Variants in PDS5B observed in about 807,000 individuals in gnomAD.
PDS5B encodes the protein PDS5 cohesin associated factor B, also known as sister chromatid cohesion protein PDS5 homolog B.
PDS5B carries 51 observed loss-of-function variants against 184.1 expected under a neutral mutation model. That is an observed-to-expected ratio of 0.28 (90% CI 0.22 to 0.35). The LOEUF (loss-of-function observed/expected upper bound fraction) is 0.35, where lower values mean the gene tolerates loss of function less well. Among genes scored for constraint, PDS5B ranks in the 10% least tolerant of loss-of-function variants. The probability of loss-of-function intolerance (pLI) is 1.00; values close to 1 mark genes in which losing one functional copy is unlikely to be tolerated. For synonymous variants in PDS5B, 566 were observed against 569.2 expected, an observed-to-expected ratio of 0.99 and a Z score of 0.08; for missense variants, 1,180 against 1,723.3, an observed-to-expected ratio of 0.68 and a Z score of 5.58.
chr13:32,616,796 C>T (rs142078196), intron 1 of PDS5B, among the ~76,000 whole-genome samples: 9 of 152,250 alleles, frequency 5.9e-5, no homozygotes, highest in South Asian at 4.1e-4. Context: ...TAACATATTG[C>T]GAACACTCTC....
intron 1 of PDS5B, among the ~76,000 whole-genome samples, chr13:32,607,657 G>A (rs1379180982): frequency 1.3e-5 from 2 of 151,756 alleles, no homozygotes; most frequent in African/African-American, 4.8e-5. Flanking sequence ...TGCCCCCAGA[G>A]TTGGAGTCTA....
At chr13:32,773,109 T>C in intron 33 of PDS5B, 80 bp from the exon 34 acceptor site, 1 of 1,200,206 alleles carries the variant, frequency 8.3e-7, no homozygotes, top group South Asian at 1.6e-5. Flanking sequence ...GACGATGAAA[T>C]ACGTGAAACA....
chr13:32,592,842 G>A (rs950240883), intron 1 of PDS5B, among the ~76,000 whole-genome samples: 1 of 152,132 alleles, frequency 6.6e-6, no homozygotes, highest in Non-Finnish European at 1.5e-5. Flanking sequence ...TAAGAGTCAA[G>A]ACAGCTTGGG....
At chr13:32,622,951 A>G (rs1041638317) in intron 1 of PDS5B, among the ~76,000 whole-genome samples, 2 of 152,174 alleles carry the variant, frequency 1.3e-5, no homozygotes, top group South Asian at 2.1e-4. Context: ...AATGGGAGAT[A>G]GTTCTTAAAT....
At chr13:32,590,978 T>A (rs952568124) in intron 1 of PDS5B, among the ~76,000 whole-genome samples, 7 of 150,986 alleles carry the variant, frequency 4.6e-5, no homozygotes, top group South Asian at 2.1e-4. Flanking sequence ...AAAAAAAAAA[T>A]TTAATGATAG....
At chr13:32,725,453 A>G (rs1462820872) in intron 19 of PDS5B, among the ~76,000 whole-genome samples, 2 of 152,198 alleles carry the variant, frequency 1.3e-5, no homozygotes, top group East Asian at 3.9e-4. Context: ...TTCCAGGACT[A>G]TCTTGCACTT....
chr13:32,652,888 G>A (rs1339725306), intron 3 of PDS5B, among the ~76,000 whole-genome samples: 1 of 152,174 alleles, frequency 6.6e-6, no homozygotes, highest in East Asian at 1.9e-4. Flanking sequence ...AAGGGGAATA[G>A]CACGAGTAAT....
chr13:32,639,039 C>T (rs995345248), intron 1 of PDS5B, among the ~76,000 whole-genome samples: 3 of 116,216 alleles, frequency 2.6e-5, no homozygotes, highest in Non-Finnish European at 5.3e-5. Flanking sequence ...ATTTTATCCA[C>T]CCCCCCACCC....
At chr13:32,684,478 G>A (rs995136846) in intron 11 of PDS5B, among the ~76,000 whole-genome samples, 7 of 152,182 alleles carry the variant, frequency 4.6e-5, no homozygotes, top group East Asian at 1.9e-4. Flanking sequence ...AGCTAAACCC[G>A]ATAGAGCACC....
chr13:32,732,095 T>A lies in PDS5B; in HGVS notation c.2124-6T>A, dbSNP rs771300805. 40 of 1,597,124 alleles carry A rather than the reference T, an allele frequency of 2.5e-5. No individual in the cohort carries two copies. The highest frequency in any genetic ancestry group is 3.0e-5 in the Non-Finnish European group (35 of 1,173,324). ...TTATTGTTTTTCTTTGATTTTTTTTTAATAGAGCCTTGCTTCCTGTTTTAC... is the reference window on the plus strand; with the variant it reads ...TTATTGTTTTTCTTTGATTTTTTTTAAATAGAGCCTTGCTTCCTGTTTTAC... On this transcript the variant is annotated splice_region_variant and splice_polypyrimidine_tract_variant and intron_variant, in intron 19 of 34. Transcript: ENST00000315596.
chr13:32,777,187 G>A lies in PDS5B; in HGVS notation c.*2135G>A, dbSNP rs529512804. The A allele has an allele frequency of 8.5e-5, 13 of 152,074 alleles. No individual in the cohort carries two copies. Among genetic ancestry groups the A allele is most frequent in the Admixed American group, 7.9e-4 (12 of 15,278 alleles). 9.4% of individuals were successfully genotyped at this position (152,074 alleles called of 1,614,324 possible). Reference sequence around the variant, plus strand: ...AAGGATTTTTATTTGCATGATTATAGTTAAGCAAATTTCATTTCACATTTT... The same window carrying A: ...AAGGATTTTTATTTGCATGATTATAATTAAGCAAATTTCATTTCACATTTT... On this transcript the variant is annotated 3_prime_UTR_variant, in exon 35 of 35. Coordinates refer to ENST00000315596, the MANE Select transcript of PDS5B (RefSeq NM_015032.4).
chr13:32,742,733 C>T lies in PDS5B; in HGVS notation c.2612+6C>T, dbSNP rs775648385. 8.7e-6 allele frequency: 14 copies of T among 1,608,730 alleles called. No individual in the cohort carries two copies. In the South Asian group the frequency reaches 1.3e-4, roughly 15 times the overall value. ...ACAGAACAGGGGAAAATTAGGTATGCAATTACTATTTCACAGTTCTTTGGA... is the reference window on the plus strand; with the variant it reads ...ACAGAACAGGGGAAAATTAGGTATGTAATTACTATTTCACAGTTCTTTGGA... On this transcript the variant is annotated splice_donor_region_variant and intron_variant, in intron 23 of 34. Coordinates refer to ENST00000315596, the MANE Select transcript of PDS5B (RefSeq NM_015032.4).
rs953589088 is a variant in PDS5B, at chr13:32,755,249, T to C, written c.2942-593T>C. Among the ~76,000 whole-genome samples, 11 of 152,322 alleles carry C rather than the reference T, an allele frequency of 7.2e-5. No homozygotes were observed. In the South Asian group the frequency reaches 2.1e-3, roughly 29 times the overall value. On this transcript the variant is annotated intron_variant, in intron 25 of 34. Transcript: ENST00000315596. The stretch of plus-strand genomic sequence containing the variant: ...ATTAGGATTACCATTCTGACCTCTT[T>C]AACAGAATATGTTTATCTCAGCCAA...
At chr13:32,640,946 A>G (rs919320874) in intron 1 of PDS5B, among the ~76,000 whole-genome samples, 12 of 151,340 alleles carry the variant, frequency 7.9e-5, no homozygotes, top group African/African-American at 2.9e-4. Context: ...AGTCCCAGCT[A>G]CTCGGGAGGC....
At chr13:32,699,325 G>A (rs1287962005) in intron 15 of PDS5B, among the ~76,000 whole-genome samples, 1 of 152,134 alleles carries the variant, frequency 6.6e-6, no homozygotes, top group East Asian at 1.9e-4. Context: ...ATGATAAACA[G>A]GGAAATACAG....
intron 3 of PDS5B, among the ~76,000 whole-genome samples, chr13:32,656,362 T>C (rs1045248063): frequency 1.3e-4 from 20 of 149,372 alleles, no homozygotes; most frequent in Admixed American, 1.2e-3. Flanking sequence ...TTTTTTCTAA[T>C]TTTGTGAAGA....
chr13:32,665,694 G>C (rs1950776220), intron 6 of PDS5B, among the ~76,000 whole-genome samples: 1 of 148,270 alleles, frequency 6.7e-6, no homozygotes, highest in African/African-American at 2.5e-5. Flanking sequence ...TATGAGAACA[G>C]ACTGATAAAT....
chr13:32,631,472 C>T (rs1480119361), intron 1 of PDS5B, among the ~76,000 whole-genome samples: 7 of 152,172 alleles, frequency 4.6e-5, no homozygotes, highest in Non-Finnish European at 1.0e-4. Context: ...TTAATATAAG[C>T]TATGCCACGA....
At chr13:32,756,038 AT>A in intron 26 of PDS5B, 82 bp downstream of exon 26, 1 of 707,312 alleles carries the variant, frequency 1.4e-6, no homozygotes, top group Admixed American at 2.7e-5. Flanking sequence ...CTCAATTATA[AT>A]TAGTTTATTG....
Sources: gnomAD v4.1 joint callset for allele counts (sites outside exome capture counted in the v4.1 genomes callset) on GRCh38, gnomAD v4.1.1 for gene constraint, MANE v1.5 for transcripts, NCBI Gene and HGNC (gene_info 2026-07-23, HGNC 2026-07-21) for gene names.